The following ALK variants were observed in gnomAD, a reference collection of about 807,000 sequenced individuals.
ALK encodes ALK receptor tyrosine kinase, also known as ALK tyrosine kinase receptor.
ALK carries 74 observed loss-of-function variants against 163.1 expected under a neutral mutation model. That is an observed-to-expected ratio of 0.45 (90% CI 0.38 to 0.55). ALK has a LOEUF of 0.55. Ranked by LOEUF, ALK falls within the 20% of genes least tolerant of loss-of-function variation. The pLI is 0.00. For synonymous variants in ALK, 960 were observed against 843.2 expected, an observed-to-expected ratio of 1.14 and a Z score of -2.40; for missense variants, 2,063 against 2,105.3, an observed-to-expected ratio of 0.98 and a Z score of 0.39.
At chr2:29,605,777 G>A (rs943199993) in intron 3 of ALK, among the ~76,000 whole-genome samples, 1 of 152,166 alleles carries the variant, frequency 6.6e-6, no homozygotes, top group Non-Finnish European at 1.5e-5. Flanking sequence ...GGTTGGAGCA[G>A]ACCCAGTGAA....
At chr2:29,604,993 G>A (rs949037068) in intron 3 of ALK, among the ~76,000 whole-genome samples, 16 of 152,208 alleles carry the variant, frequency 1.1e-4, no homozygotes, top group East Asian at 3.9e-4. Flanking sequence ...TTTAATGACA[G>A]TGGGGGCCAG....
chr2:29,720,296 T>C (rs1199687625), intron 1 of ALK, among the ~76,000 whole-genome samples: 1 of 152,006 alleles, frequency 6.6e-6, no homozygotes, highest in Non-Finnish European at 1.5e-5. Flanking sequence ...CTGTGGGCCA[T>C]CTCTTCAGAA....
At chr2:29,514,735 T>A (rs1037457825) in intron 4 of ALK, among the ~76,000 whole-genome samples, 2 of 152,188 alleles carry the variant, frequency 1.3e-5, no homozygotes, top group African/African-American at 4.8e-5. Context: ...AAATATCTTC[T>A]CCTCTTTCCC....
intron 3 of ALK, among the ~76,000 whole-genome samples, chr2:29,594,275 G>A (rs1675139998): frequency 6.6e-6 from 1 of 152,080 alleles, no homozygotes; most frequent in Non-Finnish European, 1.5e-5. Context: ...TGCATATTGT[G>A]TCTGTATGGT....
chr2:29,687,433 T>G (rs1678270598), intron 3 of ALK, among the ~76,000 whole-genome samples: 1 of 152,100 alleles, frequency 6.6e-6, no homozygotes, highest in South Asian at 2.1e-4. Context: ...GCTAGGCTTT[T>G]TTGACTGTGG....
chr2:29,610,973 C>G (rs1675675503), intron 3 of ALK, among the ~76,000 whole-genome samples: 1 of 152,180 alleles, frequency 6.6e-6, no homozygotes, highest in South Asian at 2.1e-4. Flanking sequence ...TTGATTCTCC[C>G]AGATCCCCTT....
chr2:29,816,130 A>G (rs907585492), intron 1 of ALK, among the ~76,000 whole-genome samples: 1 of 152,232 alleles, frequency 6.6e-6, no homozygotes, highest in Admixed American at 6.5e-5. Context: ...TCGAGAAGAT[A>G]AAGTATTTTT....
intron 4 of ALK, among the ~76,000 whole-genome samples, chr2:29,421,486 G>C (rs1346806917): frequency 6.6e-6 from 1 of 151,486 alleles, no homozygotes; most frequent in Non-Finnish European, 1.5e-5. Context: ...TGAGGGACGT[G>C]CTAGTAGAGG....
chr2:29,887,476 T>C (rs190417842), intron 1 of ALK, among the ~76,000 whole-genome samples: 21 of 152,294 alleles, frequency 1.4e-4, no homozygotes, highest in African/African-American at 4.8e-4. Flanking sequence ...CCTGGGTCAT[T>C]TCTGCCACAC....
intron 24 of ALK, 109 bp downstream of exon 24, chr2:29,213,875 G>A (rs779027443): frequency 5.6e-5 from 52 of 926,298 alleles, no homozygotes; most frequent in Non-Finnish European, 8.4e-5. Context: ...GCTCTGGAGG[G>A]AGACCTAGTA....
At chr2:29,899,203 G>C (rs1216992643) in intron 1 of ALK, among the ~76,000 whole-genome samples, 5 of 152,210 alleles carry the variant, frequency 3.3e-5, no homozygotes, top group African/African-American at 1.2e-4. Context: ...ACTCGAGCTT[G>C]AGACTATGAA....
At chr2:29,791,767 T>C (rs1664196454) in intron 1 of ALK, among the ~76,000 whole-genome samples, 1 of 152,206 alleles carries the variant, frequency 6.6e-6, no homozygotes, top group Non-Finnish European at 1.5e-5. Flanking sequence ...ATTTATTGAC[T>C]TACTTTCAAC....
chr2:29,833,481 G>A lies in ALK; in HGVS notation c.667+86512C>T, dbSNP rs74897322. Among the ~76,000 whole-genome samples the A allele has an allele frequency of 2.2e-3, 332 of 152,250 alleles. 3 individuals carry two copies. The highest frequency in any genetic ancestry group is 7.7e-3 in the African/African-American group (322 of 41,552). The stretch of plus-strand genomic sequence containing the variant: ...GGGTTGAAGCACTCATTTATTTTCC[G>A]TATCCTGAGCTTTCTAAAAAAGATG... On this transcript the variant is annotated intron_variant, in intron 1 of 28. Transcript: ENST00000389048.
intron 3 of ALK, among the ~76,000 whole-genome samples, chr2:29,574,600 G>C (rs1047909913): frequency 6.6e-6 from 1 of 152,236 alleles, no homozygotes; most frequent in African/African-American, 2.4e-5. Context: ...AGCGCCTCTT[G>C]GCAGGACCTT....
intron 4 of ALK, among the ~76,000 whole-genome samples, chr2:29,459,826 T>A (rs1289236105): frequency 6.6e-6 from 1 of 152,180 alleles, no homozygotes; most frequent in East Asian, 1.9e-4. Context: ...TCTGAACTTA[T>A]TTTTAAGTAA....
intron 3 of ALK, among the ~76,000 whole-genome samples, chr2:29,615,731 G>A (rs1408228973): frequency 6.6e-6 from 1 of 152,174 alleles, no homozygotes; most frequent in Non-Finnish European, 1.5e-5. Context: ...GCACACAGTA[G>A]GTACTCAGCA....
At chr2:29,369,588 A>T (rs1668593743) in intron 5 of ALK, among the ~76,000 whole-genome samples, 1 of 152,186 alleles carries the variant, frequency 6.6e-6, no homozygotes, top group Non-Finnish European at 1.5e-5. Context: ...CTGATGACGG[A>T]GCTGGACACA....
chr2:29,613,520 A>G (rs1014986732), intron 3 of ALK, among the ~76,000 whole-genome samples: 13 of 152,234 alleles, frequency 8.5e-5, no homozygotes, highest in Non-Finnish European at 1.5e-4. Flanking sequence ...ACACAGTTCA[A>G]TGGCTTGGGC....
rs1664742636 is a variant in ALK at position 29,810,933 on chromosome 2, G to A, written c.668-93236C>T. On this transcript the variant is annotated intron_variant, in intron 1 of 28. Coordinates refer to ENST00000389048, the MANE Select transcript of ALK (RefSeq NM_004304.5). ...AGAAGAAAAGCCATGTTAGGACACAGTGAAAAGGCTGCTGTCTGCAAGCCA... is the reference window on the plus strand; with the variant it reads ...AGAAGAAAAGCCATGTTAGGACACAATGAAAAGGCTGCTGTCTGCAAGCCA... Among the ~76,000 whole-genome samples the A allele has an allele frequency of 2.0e-5, 3 of 152,112 alleles. No individual in the cohort carries two copies. In the South Asian group the frequency reaches 6.2e-4, roughly 32 times the overall value.
Sources: gnomAD v4.1 joint callset for allele counts (sites outside exome capture counted in the v4.1 genomes callset) on GRCh38, gnomAD v4.1.1 for gene constraint, MANE v1.5 for transcripts, NCBI Gene and HGNC (gene_info 2026-07-23, HGNC 2026-07-21) for gene names.